Variants in GALNTL6 observed in about 807,000 individuals in gnomAD.
The protein encoded by GALNTL6 is polypeptide N-acetylgalactosaminyltransferase-like 6.
In GALNTL6, 46 loss-of-function variants were observed where a neutral mutation model predicts 73.7. The ratio of observed to expected loss-of-function variants is 0.62; its 90% CI spans 0.49 to 0.80. The LOEUF is 0.80. GALNTL6 is among the 30% of genes least tolerant of loss of function. The pLI is 0.00. For missense variants in GALNTL6, 604 were observed against 755.0 expected (o/e 0.80, Z 2.34); for synonymous variants, 259 against 263.7 (o/e 0.98, Z 0.17).
intron 2 of GALNTL6, among the ~76,000 whole-genome samples, chr4:171,835,320 G>A (rs982126623): frequency 5.9e-5 from 9 of 152,052 alleles, no homozygotes; most frequent in East Asian, 5.8e-4. Context: ...ATGTGTCTCC[G>A]TGTATCTGTG....
intron 12 of GALNTL6, among the ~76,000 whole-genome samples, chr4:173,034,780 G>A (rs1324426901): frequency 6.6e-6 from 1 of 151,986 alleles, no homozygotes; most frequent in Non-Finnish European, 1.5e-5. Context: ...CTCTGAACAG[G>A]CTATGTGTTT....
intron 2 of GALNTL6, among the ~76,000 whole-genome samples, chr4:172,142,042 T>TC (rs1235164308): frequency 6.6e-6 from 1 of 152,046 alleles, no homozygotes; most frequent in African/African-American, 2.4e-5. Context: ...GTGGCACACT[T>TC]CCTAGATTTA....
chr4:172,134,714 G>A (rs1579171638), intron 2 of GALNTL6, among the ~76,000 whole-genome samples: 1 of 152,142 alleles, frequency 6.6e-6, no homozygotes, highest in African/African-American at 2.4e-5. Context: ...AGAGACTAAC[G>A]GTTGTAACAA....
intron 5 of GALNTL6, among the ~76,000 whole-genome samples, chr4:172,754,279 A>G (rs568111625): frequency 6.6e-5 from 10 of 152,294 alleles, no homozygotes; most frequent in Non-Finnish European, 1.2e-4. Context: ...AGAATATAAC[A>G]TAGATTTTGA....
chr4:172,434,170 T>C (rs1349142965), intron 5 of GALNTL6, among the ~76,000 whole-genome samples: 2 of 152,158 alleles, frequency 1.3e-5, no homozygotes, highest in African/African-American at 4.8e-5. Context: ...GACGAAAATA[T>C]AATAATCTAT....
At chr4:172,044,924 A>C (rs1487930752) in intron 2 of GALNTL6, among the ~76,000 whole-genome samples, 1 of 152,030 alleles carries the variant, frequency 6.6e-6, no homozygotes, top group East Asian at 1.9e-4. Flanking sequence ...TTTCTATACA[A>C]TATATTTCAG....
intron 5 of GALNTL6, among the ~76,000 whole-genome samples, chr4:172,619,138 C>T (rs1738857652): frequency 6.6e-6 from 1 of 151,928 alleles, no homozygotes. Flanking sequence ...TATTAGAGAT[C>T]TGAAAAGGAT....
intron 10 of GALNTL6, among the ~76,000 whole-genome samples, chr4:173,005,176 T>G (rs1474933675): frequency 6.6e-6 from 1 of 152,226 alleles, no homozygotes; most frequent in Non-Finnish European, 1.5e-5. Context: ...AGACCTTTTC[T>G]TGATCCTTGC....
intron 5 of GALNTL6, among the ~76,000 whole-genome samples, chr4:172,801,758 A>C (rs1349371231): frequency 6.6e-6 from 1 of 152,096 alleles, no homozygotes. Flanking sequence ...AGCTATCCTG[A>C]AAATATATAC....
chr4:172,976,766 G>A (rs1040989599), intron 10 of GALNTL6, among the ~76,000 whole-genome samples: 1 of 152,188 alleles, frequency 6.6e-6, no homozygotes, highest in African/African-American at 2.4e-5. Flanking sequence ...GAAAAGGCTG[G>A]ATGCATGAAA....
chr4:172,699,115 A>G (rs1733865602), intron 5 of GALNTL6, among the ~76,000 whole-genome samples: 1 of 152,100 alleles, frequency 6.6e-6, no homozygotes, highest in Admixed American at 6.6e-5. Flanking sequence ...GGGGCAAGAA[A>G]GCTCTCTGGG....
intron 8 of GALNTL6, among the ~76,000 whole-genome samples, chr4:172,912,042 T>G (rs1039819624): frequency 6.6e-6 from 1 of 152,186 alleles, no homozygotes; most frequent in African/African-American, 2.4e-5. Flanking sequence ...AAATATAATC[T>G]AATCATGCTA....
chr4:172,036,071 T>A, intron 2 of GALNTL6, among the ~76,000 whole-genome samples: 1 of 152,132 alleles, frequency 6.6e-6, no homozygotes, highest in Non-Finnish European at 1.5e-5. Context: ...TTTTTACAAA[T>A]GTCTTTTGAA....
At chr4:172,371,519 T>C (rs1265412759) in intron 5 of GALNTL6, among the ~76,000 whole-genome samples, 1 of 152,194 alleles carries the variant, frequency 6.6e-6, no homozygotes, top group Non-Finnish European at 1.5e-5. Flanking sequence ...TTCTTTACTA[T>C]TTCTCTCTCT....
intron 5 of GALNTL6, among the ~76,000 whole-genome samples, chr4:172,642,187 A>T (rs76882027): frequency 0.034 from 5,186 of 150,634 alleles, 190 homozygotes; most frequent in African/African-American, 0.092. Context: ...AAAAATTTTT[A>T]AAAAAAACTA....
Position 172,546,487 on chromosome 4 carries a change from C to T in GALNTL6, c.553+197798C>T, listed in dbSNP as rs571051991. Among the ~76,000 whole-genome samples the T allele has an allele frequency of 4.0e-3, 202 of 50,470 alleles. 1 individual carries two copies. Among genetic ancestry groups the T allele is most frequent in the Middle Eastern group, 0.029 (4 of 136 alleles). 33.1% of individuals were successfully genotyped at this position (50,470 alleles called of 152,430 possible). A position where few individuals can be genotyped will look rare whatever the true frequency, so the allele number is the denominator to read the frequency against. Reference sequence around the variant, plus strand: ...ATCTATAAAAAATAATAAATAAATACACAAGTTTAAAAAAAAAAAAGACTG... The same window carrying T: ...ATCTATAAAAAATAATAAATAAATATACAAGTTTAAAAAAAAAAAAGACTG... On this transcript the variant is annotated intron_variant, in intron 5 of 12. Transcript: ENST00000506823.
chr4:172,305,322 A>G (rs1740090642), intron 3 of GALNTL6, among the ~76,000 whole-genome samples: 2 of 152,160 alleles, frequency 1.3e-5, no homozygotes, highest in Admixed American at 1.3e-4. Context: ...GTAAGACAGC[A>G]ATTTTTCTGC....
chr4:172,361,553 T>C (rs1478142145), intron 5 of GALNTL6, among the ~76,000 whole-genome samples: 1 of 152,142 alleles, frequency 6.6e-6, no homozygotes, highest in Non-Finnish European at 1.5e-5. Context: ...GGTCTGTACT[T>C]AGCCTAAAAA....
rs187856986 is a variant in GALNTL6 at position 172,507,818 on chromosome 4, A to G, written c.553+159129A>G. 2.9e-4 allele frequency among the ~76,000 whole-genome samples: 16 copies of G among 55,172 alleles called. 8 individuals are homozygous for G. The East Asian group carries it at 0.2, about 690-fold the overall frequency. 36.2% of individuals were successfully genotyped at this position (55,172 alleles called of 152,430 possible). On this transcript the variant is annotated intron_variant, in intron 5 of 12. Transcript: ENST00000506823. The stretch of plus-strand genomic sequence containing the variant: ...GCACCAGCAAATTGCTTGGTACATA[A>G]TAGGCCCTCAATAAATATTTTTTAA...
Sources: gnomAD v4.1 joint callset for allele counts (sites outside exome capture counted in the v4.1 genomes callset) on GRCh38, gnomAD v4.1.1 for gene constraint, MANE v1.5 for transcripts, NCBI Gene and HGNC (gene_info 2026-07-23, HGNC 2026-07-21) for gene names.